Variants in ZDHHC3 observed in about 807,000 individuals in gnomAD.
ZDHHC3 encodes the protein palmitoyltransferase ZDHHC3.
In ZDHHC3, 9 loss-of-function variants were observed where a neutral mutation model predicts 30.6. The ratio of observed to expected loss-of-function variants is 0.29; its 90% CI spans 0.18 to 0.51. The LOEUF (loss-of-function observed/expected upper bound fraction) is 0.51, where lower values mean the gene tolerates loss of function less well. Ranked by LOEUF, ZDHHC3 falls within the 20% of genes least tolerant of loss-of-function variation. The probability of loss-of-function intolerance (pLI) is 0.97; values close to 1 mark genes in which losing one functional copy is unlikely to be tolerated. For synonymous variants in ZDHHC3, 136 were observed against 140.2 expected (o/e 0.97, Z 0.21); for missense variants, 246 against 384.2 (o/e 0.64, Z 3.01).
intron 6 of ZDHHC3, among the ~76,000 whole-genome samples, chr3:44,927,925 G>C (rs1448006085): frequency 6.6e-6 from 1 of 152,202 alleles, no homozygotes; most frequent in Non-Finnish European, 1.5e-5. Flanking sequence ...CCCCTTCCCA[G>C]GTGGGGCAGG....
intron 1 of ZDHHC3, among the ~76,000 whole-genome samples, chr3:44,971,387 C>T (rs920314441): frequency 6.6e-6 from 1 of 152,210 alleles, no homozygotes; most frequent in African/African-American, 2.4e-5. Flanking sequence ...GCACCTGGAG[C>T]CTTCTCACCT....
At chr3:44,974,681 G>C (rs1705726221) in intron 1 of ZDHHC3, among the ~76,000 whole-genome samples, 2 of 152,198 alleles carry the variant, frequency 1.3e-5, no homozygotes, top group Admixed American at 1.3e-4. Context: ...CCTGCAAGCT[G>C]TCTTCCTTTT....
chr3:44,948,138 C>T (rs190207172), intron 2 of ZDHHC3, among the ~76,000 whole-genome samples: 258 of 152,314 alleles, frequency 1.7e-3, no homozygotes, highest in Middle Eastern at 6.8e-3. Flanking sequence ...CTAAGACTGT[C>T]CCCACATTCT....
In ZDHHC3 at chr3:44,925,481, C is replaced by T. The variant is rs908522018; in HGVS notation, c.*1208G>A. 2.0e-6 allele frequency: 2 copies of T among 985,468 alleles called. No individual in the cohort carries two copies. The highest frequency in any genetic ancestry group is 1.2e-6 in the Non-Finnish European group (1 of 829,940). 61.0% of individuals were successfully genotyped at this position (985,468 alleles called of 1,614,324 possible). On this transcript the variant is annotated 3_prime_UTR_variant, in exon 7 of 7. Coordinates refer to ENST00000424952, the MANE Select transcript of ZDHHC3 (RefSeq NM_001135179.2). Reference sequence around the variant, plus strand: ...CCTTCACCTCTATCCACCATCACCACCTCCTTCAAACAAGACTGACACAGG... The same window carrying T: ...CCTTCACCTCTATCCACCATCACCATCTCCTTCAAACAAGACTGACACAGG...
intron 1 of ZDHHC3, among the ~76,000 whole-genome samples, chr3:44,968,501 C>G (rs1251793884): frequency 6.6e-6 from 1 of 152,094 alleles, no homozygotes; most frequent in African/African-American, 2.4e-5. Flanking sequence ...TCGAGACTAG[C>G]CTGGGCAATA....
intron 2 of ZDHHC3, among the ~76,000 whole-genome samples, chr3:44,955,461 A>ATG (rs1400720695): frequency 1.4e-5 from 2 of 147,128 alleles, no homozygotes; most frequent in Non-Finnish European, 3.0e-5. Context: ...AGGTTTTTAT[A>ATG]TATATATATA....
Position 44,921,295 on chromosome 3 carries a change from C to G in ZDHHC3, c.*5394G>C. The G allele has an allele frequency of 1.0e-6, 1 of 985,408 alleles. No individual in the cohort carries two copies. Among genetic ancestry groups the G allele is most frequent in the Non-Finnish European group, 1.2e-6 (1 of 829,930 alleles). 61.0% of individuals were successfully genotyped at this position (985,408 alleles called of 1,614,324 possible). On this transcript the variant is annotated 3_prime_UTR_variant, in exon 7 of 7. Transcript: ENST00000424952. The stretch of plus-strand genomic sequence containing the variant: ...CAGAACGAGAACAGGCTGTTCCCTG[C>G]TCCCTGTATCATCAGATGTAGAAAG...
rs1478086208 is a variant in ZDHHC3 at position 44,968,186 on chromosome 3, G to T, written c.-25+7747C>A. ...ACAAATGCACAAGCAGGAAATAGGA[G>T]TTGTACTTCCTGCTCCCTTACACAC... On this transcript the variant is annotated intron_variant, in intron 1 of 6. Transcript: ENST00000424952. 2.0e-5 allele frequency among the ~76,000 whole-genome samples: 3 copies of T among 152,094 alleles called. No individual in the cohort carries two copies. In the East Asian group the frequency reaches 5.8e-4, roughly 29 times the overall value.
intron 1 of ZDHHC3, chr3:44,969,808 G>C (rs1705261163): frequency 6.6e-6 from 1 of 152,238 alleles, no homozygotes; most frequent in African/African-American, 2.4e-5. Context: ...GCCTCAGCCA[G>C]AAGAGTCACC....
rs561635831 is a variant in ZDHHC3 at position 44,959,936 on chromosome 3, A to AT, written c.-24-477dup. 1.3e-3 allele frequency among the ~76,000 whole-genome samples: 191 copies of AT among 152,098 alleles called. No homozygotes were observed. Among genetic ancestry groups the AT allele is most frequent in the Non-Finnish European group, 1.9e-3 (131 of 67,978 alleles). ...ACCACCACACCTGGCTAATTTTTAT[A>AT]TTTTTTTGTAGAGATGGGGTTTTGC... On this transcript the variant is annotated intron_variant, in intron 1 of 6. Transcript: ENST00000424952. This position sits in a 1 kb window ranked among gnomAD's most constrained non-coding sequence, Gnocchi z 4.3.
At chr3:44,927,142 G>C (rs973042649) in intron 6 of ZDHHC3, among the ~76,000 whole-genome samples, 1 of 152,126 alleles carries the variant, frequency 6.6e-6, no homozygotes, top group Non-Finnish European at 1.5e-5. Flanking sequence ...GATAAGGAGC[G>C]CGTCTCTCCA....
At chr3:44,961,903 T>C (rs138454192) in intron 1 of ZDHHC3, among the ~76,000 whole-genome samples, 5 of 152,344 alleles carry the variant, frequency 3.3e-5, no homozygotes, top group African/African-American at 4.8e-5. Flanking sequence ...ATGGCAAGAG[T>C]TGAATAGCTG....
intron 3 of ZDHHC3, among the ~76,000 whole-genome samples, chr3:44,934,893 C>CAAAAA (rs886501187): frequency 1.7e-5 from 1 of 60,060 alleles, no homozygotes; most frequent in African/African-American, 6.5e-5. Context: ...ACTCTGTCTC[C>CAAAAA]AAAAAAAAAA....
chr3:44,923,735 C>T lies in ZDHHC3; in HGVS notation c.*2954G>A. 1.1e-6 allele frequency: 1 copy of T among 913,694 alleles called. No homozygotes were observed. Among genetic ancestry groups the T allele is most frequent in the Non-Finnish European group, 1.3e-6 (1 of 764,714 alleles). The allele number at this position is 913,694 out of a possible 1,614,324, so 56.6% of individuals were successfully genotyped here. ...CAAGAATCACTTGAGCCCAGGAGTT[C>T]AAGGCTGCAGTGAGCTCTAATTGTG... On this transcript the variant is annotated 3_prime_UTR_variant, in exon 7 of 7. Coordinates refer to ENST00000424952, the MANE Select transcript of ZDHHC3 (RefSeq NM_001135179.2).
chr3:44,945,947 A>T (rs2125869395), intron 2 of ZDHHC3, among the ~76,000 whole-genome samples: 1 of 152,280 alleles, frequency 6.6e-6, no homozygotes, highest in South Asian at 2.1e-4. Flanking sequence ...AATTGAATCC[A>T]TTCTCTCCTA....
At chr3:44,968,365 T>C (rs1705133197) in intron 1 of ZDHHC3, among the ~76,000 whole-genome samples, 2 of 152,146 alleles carry the variant, frequency 1.3e-5, no homozygotes, top group South Asian at 4.1e-4. Flanking sequence ...CTAAGCAGAC[T>C]TTCCTTTCAC....
Position 44,933,102 on chromosome 3 carries a change from C to T in ZDHHC3, c.610+16G>A. 1 of 1,614,096 alleles carries T rather than the reference C, an allele frequency of 6.2e-7. No homozygotes were observed. The highest frequency in any genetic ancestry group is 8.5e-7 in the Non-Finnish European group (1 of 1,179,946). ...CCCACCCTGGAGCAGGGAGGAAAGC[C>T]TCAGCACATACTCACTTGTCCAATC... On this transcript the variant is annotated intron_variant, in intron 5 of 6. Coordinates refer to ENST00000424952, the MANE Select transcript of ZDHHC3 (RefSeq NM_001135179.2).
chr3:44,970,218 G>A (rs1252175347), intron 1 of ZDHHC3, among the ~76,000 whole-genome samples: 1 of 152,240 alleles, frequency 6.6e-6, no homozygotes. Flanking sequence ...GGCAGTGCAA[G>A]AGCAGAGCCC....
At chr3:44,930,049 G>A (rs1025243219) in intron 5 of ZDHHC3, among the ~76,000 whole-genome samples, 3 of 152,196 alleles carry the variant, frequency 2.0e-5, no homozygotes, top group Admixed American at 1.3e-4. Context: ...TTGCAGCACC[G>A]AGGCCAACAG....
Sources: gnomAD v4.1 joint callset for allele counts (sites outside exome capture counted in the v4.1 genomes callset) on GRCh38, gnomAD v4.1.1 for gene constraint, Gnocchi (gnomAD v3.1) non-coding constraint, MANE v1.5 for transcripts, NCBI Gene and HGNC (gene_info 2026-07-23, HGNC 2026-07-21) for gene names.